NRG3: variants seen among roughly 807,000 people sequenced by gnomAD.
NRG3 encodes the protein pro-neuregulin-3, membrane-bound isoform.
A neutral mutation model predicts 66.9 loss-of-function variants in NRG3; 31 were observed. The observed-to-expected ratio is 0.46, with a 90% CI of 0.35 to 0.63. The LOEUF (loss-of-function observed/expected upper bound fraction) is 0.63. Ranked by LOEUF, NRG3 falls within the 20% of genes least tolerant of loss-of-function variation. The pLI, the probability that NRG3 is intolerant of heterozygous loss-of-function variation, is 0.00. For synonymous variants in NRG3, 393 were observed against 359.4 expected, an observed-to-expected ratio of 1.09 and a Z score of -1.06; for missense variants, 910 against 878.9, an observed-to-expected ratio of 1.04 and a Z score of -0.45.
chr10:82,521,128 A>G (rs1340325031), intron 2 of NRG3, among the ~76,000 whole-genome samples: 6 of 152,232 alleles, frequency 3.9e-5, no homozygotes, highest in Non-Finnish European at 8.8e-5. Flanking sequence ...CAGCACATAT[A>G]AAAGTTATAT....
At chr10:82,055,220 T>C (rs776243100) in intron 1 of NRG3, among the ~76,000 whole-genome samples, 6 of 151,984 alleles carry the variant, frequency 3.9e-5, no homozygotes, top group Non-Finnish European at 7.4e-5. Context: ...GGCTCACTCC[T>C]GTAATCCCAG....
In NRG3 at chr10:82,098,054, TACACACACAC is replaced by T. The variant is rs61481796; in HGVS notation, c.823+221915_823+221924del. The stretch of plus-strand genomic sequence containing the variant: ...CTAACAATGTAGTCTGCCACATATA[TACACACACAC>T]ACACACACACACACACACACACATC... On this transcript the variant is annotated intron_variant, in intron 1 of 8. Coordinates refer to ENST00000372141, the MANE Select transcript of NRG3 (RefSeq NM_001010848.4). 1.3e-3 allele frequency among the ~76,000 whole-genome samples: 197 copies of T among 146,800 alleles called. 1 individual carries two copies. The highest frequency in any genetic ancestry group is 3.1e-3 in the African/African-American group (123 of 39,974).
intron 2 of NRG3, among the ~76,000 whole-genome samples, chr10:82,415,969 T>C (rs1166706592): frequency 6.6e-6 from 1 of 152,212 alleles, no homozygotes; most frequent in Non-Finnish European, 1.5e-5. Flanking sequence ...CAATGCTAAA[T>C]GTGTTATGTT....
intron 4 of NRG3, among the ~76,000 whole-genome samples, chr10:82,946,277 G>C (rs567822974): frequency 6.6e-6 from 1 of 151,042 alleles, no homozygotes; most frequent in East Asian, 2.0e-4. Context: ...GCATTGGCTC[G>C]CGCCTGTAAT....
intron 1 of NRG3, among the ~76,000 whole-genome samples, chr10:82,267,912 T>C (rs2078388023): frequency 6.6e-6 from 1 of 152,176 alleles, no homozygotes; most frequent in Non-Finnish European, 1.5e-5. Context: ...CTTTTGAGAA[T>C]TCTTTTAAAA....
In NRG3 at chr10:82,640,844, C is replaced by T. The variant is rs780129037; in HGVS notation, c.954-97733C>T. On this transcript the variant is annotated intron_variant, in intron 2 of 8. Transcript: ENST00000372141. The stretch of plus-strand genomic sequence containing the variant: ...ATGTCATAAACTAAATGAAATAATG[C>T]CTCATAGGCCTATTATTTTTAAAGT... Among the ~76,000 whole-genome samples the T allele has an allele frequency of 1.0e-3, 151 of 151,674 alleles. 2 individuals are homozygous for T. The highest frequency in any genetic ancestry group is 4.1e-4 in the Non-Finnish European group (28 of 67,944).
At chr10:82,114,968 C>T (rs562960146) in intron 1 of NRG3, among the ~76,000 whole-genome samples, 8 of 152,260 alleles carry the variant, frequency 5.3e-5, no homozygotes, top group African/African-American at 9.6e-5. Flanking sequence ...TCTTCTCAAT[C>T]GCTCAGTTTT....
chr10:82,350,049 A>G (rs1459433704), intron 1 of NRG3, among the ~76,000 whole-genome samples: 6 of 152,214 alleles, frequency 3.9e-5, no homozygotes, highest in Admixed American at 2.6e-4. Context: ...TGGGAGCTGT[A>G]GACCAGGGCT....
chr10:82,040,869 A>G (rs553840305), intron 1 of NRG3, among the ~76,000 whole-genome samples: 14 of 152,120 alleles, frequency 9.2e-5, no homozygotes, highest in Non-Finnish European at 1.8e-4. Context: ...AAGTTCATGC[A>G]TGTCAATTGT....
chr10:82,696,244 T>C (rs1361899650), intron 2 of NRG3, among the ~76,000 whole-genome samples: 1 of 152,156 alleles, frequency 6.6e-6, no homozygotes, highest in African/African-American at 2.4e-5. Context: ...ATTTAACTGC[T>C]TAACTCAAAA....
intron 3 of NRG3, among the ~76,000 whole-genome samples, chr10:82,850,082 G>A (rs1346817942): frequency 6.6e-6 from 1 of 152,114 alleles, no homozygotes; most frequent in East Asian, 1.9e-4. Flanking sequence ...AAGACAGAAG[G>A]GGCTACGTGA....
chr10:82,740,657 C>G (rs1400481635), intron 3 of NRG3, among the ~76,000 whole-genome samples: 1 of 151,852 alleles, frequency 6.6e-6, no homozygotes, highest in East Asian at 1.9e-4. Context: ...AACCCTGTCT[C>G]TACTAAAAAT....
intron 6 of NRG3, 149 bp downstream of exon 6, chr10:82,959,224 G>A (rs912397499): frequency 1.3e-5 from 10 of 761,444 alleles, no homozygotes; most frequent in Middle Eastern, 3.3e-4. Flanking sequence ...GGGCTGGGAC[G>A]TATGCACACA....
chr10:82,811,692 G>A (rs2061497606), intron 3 of NRG3, among the ~76,000 whole-genome samples: 3 of 152,166 alleles, frequency 2.0e-5, no homozygotes, highest in Admixed American at 6.5e-5. Context: ...TAGAGATAAA[G>A]CAAAATAAAA....
At chr10:82,751,637 A>C (rs2058867452) in intron 3 of NRG3, among the ~76,000 whole-genome samples, 1 of 152,166 alleles carries the variant, frequency 6.6e-6, no homozygotes. Context: ...AAGTTCTGTC[A>C]TTTAACTCTT....
intron 1 of NRG3, among the ~76,000 whole-genome samples, chr10:81,956,399 T>C (rs1849832464): frequency 6.6e-6 from 1 of 152,208 alleles, no homozygotes. Flanking sequence ...TTTAAAATCA[T>C]TCCTACCTCT....
intron 2 of NRG3, among the ~76,000 whole-genome samples, chr10:82,449,154 G>A (rs757326836): frequency 5.1e-4 from 77 of 152,306 alleles, no homozygotes; most frequent in African/African-American, 1.3e-3. Context: ...TCTGAACCAC[G>A]TGGGGCCATT....
At chr10:82,136,397 C>A (rs187761200) in intron 1 of NRG3, among the ~76,000 whole-genome samples, 1 of 151,980 alleles carries the variant, frequency 6.6e-6, no homozygotes, top group Admixed American at 6.6e-5. Flanking sequence ...TCCAGCCAGG[C>A]GTGTGTCCTT....
chr10:82,071,713 A>G (rs760708456), intron 1 of NRG3, among the ~76,000 whole-genome samples: 2 of 152,112 alleles, frequency 1.3e-5, no homozygotes, highest in Admixed American at 1.3e-4. Flanking sequence ...TTTTACTTAC[A>G]TTTCAACATC....
Sources: gnomAD v4.1 joint callset for allele counts (sites outside exome capture counted in the v4.1 genomes callset) on GRCh38, gnomAD v4.1.1 for gene constraint, MANE v1.5 for transcripts, NCBI Gene and HGNC (gene_info 2026-07-23, HGNC 2026-07-21) for gene names.